The following SLC25A13 variants were observed in gnomAD, a reference collection of about 807,000 sequenced individuals.
The protein encoded by SLC25A13 is solute carrier family 25 member 13.
SLC25A13 carries 70 observed loss-of-function variants against 85.5 expected under a neutral mutation model. That is an observed-to-expected ratio of 0.82 (90% CI 0.68 to 1.00). The LOEUF is 1.00. Ranked by LOEUF, SLC25A13 falls within the 50% of genes least tolerant of loss-of-function variation. SLC25A13 has a pLI of 0.00. For synonymous variants in SLC25A13, 259 were observed against 288.7 expected, an observed-to-expected ratio of 0.90 and a Z score of 1.04; for missense variants, 765 against 819.8, an observed-to-expected ratio of 0.93 and a Z score of 0.82.
At chr7:96,175,127 A>G (rs1469319027) in intron 11 of SLC25A13, among the ~76,000 whole-genome samples, 3 of 152,210 alleles carry the variant, frequency 2.0e-5, no homozygotes, top group Non-Finnish European at 4.4e-5. Context: ...GGAGAGAACC[A>G]GTTCTTCTGC....
In SLC25A13 at chr7:96,141,727, C is replaced by A. The variant is rs531987040; in HGVS notation, c.1452+4829G>T. 2.3e-3 allele frequency among the ~76,000 whole-genome samples: 342 copies of A among 151,934 alleles called. 1 individual carries two copies. Among genetic ancestry groups the A allele is most frequent in the Middle Eastern group, 3.4e-3 (1 of 294 alleles). The stretch of plus-strand genomic sequence containing the variant: ...CTTCCTTCAGGTCCGGCTGTGAGCA[C>A]GTAAAAATACAAGTTTTTAAAAGAT... On this transcript the variant is annotated intron_variant, in intron 14 of 17. Transcript: ENST00000265631.
At chr7:96,277,800 A>T (rs577856095) in intron 2 of SLC25A13, among the ~76,000 whole-genome samples, 2,819 of 25,798 alleles carry the variant, frequency 0.11, 58 homozygotes, top group African/African-American at 0.2. Context: ...TAGCTTTTTA[A>T]AAAAAAAAAA....
chr7:96,186,216 G>T (rs934081524), intron 9 of SLC25A13, among the ~76,000 whole-genome samples: 1 of 152,128 alleles, frequency 6.6e-6, no homozygotes, highest in African/African-American at 2.4e-5. Flanking sequence ...GATCACTTGA[G>T]GTCAGGAGTT....
chr7:96,167,670 C>A (rs911392811), intron 13 of SLC25A13, among the ~76,000 whole-genome samples: 1 of 152,218 alleles, frequency 6.6e-6, no homozygotes, highest in Non-Finnish European at 1.5e-5. Context: ...TGTGACACAA[C>A]CTTACAAAAC....
At chr7:96,309,075 A>T (rs1799862082) in intron 1 of SLC25A13, among the ~76,000 whole-genome samples, 2 of 152,226 alleles carry the variant, frequency 1.3e-5, no homozygotes, top group Non-Finnish European at 2.9e-5. Context: ...CAATAAAATG[A>T]GTGTGTGAAT....
rs1361502165 is a variant in SLC25A13, at chr7:96,321,984, G to A, written c.-28C>T. 7 of 1,537,466 alleles carry A rather than the reference G, an allele frequency of 4.6e-6. No individual in the cohort carries two copies. The highest frequency in any genetic ancestry group is 6.1e-6 in the Non-Finnish European group (7 of 1,142,878). On this transcript the variant is annotated 5_prime_UTR_variant, in exon 1 of 18. Coordinates refer to ENST00000265631, the MANE Select transcript of SLC25A13 (RefSeq NM_014251.3). ...TTCGCCCCGGTTGCGGGCGACTGCG[G>A]GACCCACTGACTGGCTGGCTGGCGT...
intron 4 of SLC25A13, among the ~76,000 whole-genome samples, chr7:96,217,090 G>A (rs1034552666): frequency 2.0e-5 from 3 of 152,118 alleles, no homozygotes; most frequent in African/African-American, 4.8e-5. Flanking sequence ...CATTGCTCCA[G>A]AGACAGCATA....
intron 3 of SLC25A13, among the ~76,000 whole-genome samples, chr7:96,267,666 T>G (rs758959645): frequency 3.9e-5 from 6 of 151,924 alleles, no homozygotes; most frequent in Non-Finnish European, 7.4e-5. Context: ...ATACAAAAAT[T>G]AGCCGGGTGT....
At chr7:96,203,953 T>C (rs1490514356) in intron 5 of SLC25A13, among the ~76,000 whole-genome samples, 1 of 152,130 alleles carries the variant, frequency 6.6e-6, no homozygotes, top group African/African-American at 2.4e-5. Flanking sequence ...CTGGAGAAAG[T>C]GCAACAGAGT....
At chr7:96,209,829 G>C (rs1226899774) in intron 4 of SLC25A13, among the ~76,000 whole-genome samples, 1 of 152,052 alleles carries the variant, frequency 6.6e-6, no homozygotes, top group Non-Finnish European at 1.5e-5. Context: ...TATGTGTTTG[G>C]AGAATGGAGG....
chr7:96,290,633 T>C (rs1799083323), intron 2 of SLC25A13, among the ~76,000 whole-genome samples: 2 of 150,262 alleles, frequency 1.3e-5, no homozygotes, highest in South Asian at 4.2e-4. Flanking sequence ...GCAATCTTAG[T>C]CTCTGATAAA....
chr7:96,277,405 G>A (rs1264773549), intron 2 of SLC25A13, 67 bp from the exon 3 acceptor site: 34 of 1,465,030 alleles, frequency 2.3e-5, no homozygotes, highest in Non-Finnish European at 3.0e-5. Context: ...TCATGAGAGT[G>A]ATATGTGAAA....
intron 3 of SLC25A13, among the ~76,000 whole-genome samples, chr7:96,272,527 G>C (rs1226252983): frequency 6.6e-6 from 1 of 152,152 alleles, no homozygotes; most frequent in Non-Finnish European, 1.5e-5. Context: ...CTTCTTGTTG[G>C]GGGGAAAAGT....
At chr7:96,280,409 T>C (rs1798627917) in intron 2 of SLC25A13, among the ~76,000 whole-genome samples, 1 of 152,070 alleles carries the variant, frequency 6.6e-6, no homozygotes, top group Non-Finnish European at 1.5e-5. Flanking sequence ...AAAATTCCAC[T>C]GAAATGCAAA....
intron 4 of SLC25A13, among the ~76,000 whole-genome samples, chr7:96,209,951 C>CT (rs1207277959): frequency 2.6e-5 from 4 of 151,810 alleles, no homozygotes; most frequent in African/African-American, 9.7e-5. Context: ...CTTTTTTTCT[C>CT]TTTTGCTTCT....
intron 3 of SLC25A13, among the ~76,000 whole-genome samples, chr7:96,257,966 C>A (rs1797704304): frequency 6.6e-6 from 1 of 152,134 alleles, no homozygotes; most frequent in South Asian, 2.1e-4. Flanking sequence ...ATGACAAAAA[C>A]CACATGATTA....
At chr7:96,238,930 A>ATG (rs763739453) in intron 3 of SLC25A13, among the ~76,000 whole-genome samples, 1 of 151,110 alleles carries the variant, frequency 6.6e-6, no homozygotes, top group Non-Finnish European at 1.5e-5. Context: ...TAATATATAT[A>ATG]AAAGGCTTAT....
In SLC25A13 at chr7:96,219,616, A is replaced by C. The variant is rs757265724; in HGVS notation, c.329-10639T>G. The C allele has an allele frequency of 1.2e-5, 6 of 516,282 alleles. No individual in the cohort carries two copies. In the Admixed American group the frequency reaches 1.2e-4, roughly 11 times the overall value. 32.0% of individuals were successfully genotyped at this position (516,282 alleles called of 1,614,324 possible). On this transcript the variant is annotated intron_variant, in intron 4 of 17. Coordinates refer to ENST00000265631, the MANE Select transcript of SLC25A13 (RefSeq NM_014251.3). ...TGAAGTAGGAACTACATTCCCTTGG[A>C]GAGCTTGTTTAAAACACATTCCCAA...
intron 3 of SLC25A13, among the ~76,000 whole-genome samples, chr7:96,248,804 A>T (rs1001131349): frequency 6.6e-6 from 1 of 152,256 alleles, no homozygotes; most frequent in Non-Finnish European, 1.5e-5. Context: ...TAAATCTTTA[A>T]GCAAAATATT....
Sources: gnomAD v4.1 joint callset for allele counts (sites outside exome capture counted in the v4.1 genomes callset) on GRCh38, gnomAD v4.1.1 for gene constraint, MANE v1.5 for transcripts, NCBI Gene and HGNC (gene_info 2026-07-23, HGNC 2026-07-21) for gene names.